The following SDC1 variants were observed in gnomAD, a reference collection of about 807,000 sequenced individuals.
SDC1 encodes syndecan-1.
Under a neutral mutation model 29.7 loss-of-function variants are expected in SDC1, and 14 were observed. The observed-to-expected ratio is 0.47, with a 90% CI of 0.31 to 0.74. SDC1 has a LOEUF of 0.74. SDC1 is among the 30% of genes least tolerant of loss of function. The pLI is 0.05. For missense variants in SDC1, 406 were observed against 400.3 expected, an observed-to-expected ratio of 1.01 and a Z score of -0.12; for synonymous variants, 204 against 175.5, an observed-to-expected ratio of 1.16 and a Z score of -1.29.
Position 20,203,161 on chromosome 2 carries a change from C to A in SDC1, c.689G>T (p.Arg230Leu). Residue 230 changes from arginine (R) to leucine (L), a missense_variant, in exon 4 of 5, where the codon CGG becomes CTG. Coordinates refer to ENST00000254351, the MANE Select transcript of SDC1 (RefSeq NM_002997.5). ...CCCCTGATCCACTGGGGACTGGTTC[C>A]GGCGGTCAGGCTCCACGGCCACTAC... ...TAVVAVEPDR[R>L]NQSPVDQGAT... The A allele has an allele frequency of 1.2e-5, 19 of 1,613,136 alleles. No homozygotes were observed. Among genetic ancestry groups the A allele is most frequent in the Non-Finnish European group, 1.5e-5 (18 of 1,179,630 alleles).
chr2:20,215,219 C>T (rs910903738), intron 1 of SDC1, among the ~76,000 whole-genome samples: 11 of 152,374 alleles, frequency 7.2e-5, no homozygotes, highest in Admixed American at 7.2e-4. Context: ...GGGGACAGGC[C>T]ACCGTGCCCC....
chr2:20,205,252 T>C (rs1677221145), intron 2 of SDC1, 91 bp downstream of exon 2: 2 of 990,004 alleles, frequency 2.0e-6, no homozygotes, highest in East Asian at 2.4e-5. Flanking sequence ...ACTCAGTACA[T>C]GCTCAGTAAA....
chr2:20,202,949 A>G lies in SDC1; in HGVS notation c.764-14T>C. On this transcript the variant is annotated splice_polypyrimidine_tract_variant and intron_variant, in intron 4 of 4. Coordinates refer to ENST00000254351, the MANE Select transcript of SDC1 (RefSeq NM_002997.5). ...CGGCAATGACCCCTAGGGCAGGTAGACGGGGCCAGCTCAGCTCAGCGGCTC... is the reference window on the plus strand; with the variant it reads ...CGGCAATGACCCCTAGGGCAGGTAGGCGGGGCCAGCTCAGCTCAGCGGCTC... 6.2e-7 allele frequency: 1 copy of G among 1,600,506 alleles called. No individual in the cohort carries two copies. The highest frequency in any genetic ancestry group is 8.5e-7 in the Non-Finnish European group (1 of 1,171,366).
chr2:20,218,223 G>A (rs541657172), intron 1 of SDC1, among the ~76,000 whole-genome samples: 1 of 152,310 alleles, frequency 6.6e-6, no homozygotes, highest in South Asian at 2.1e-4. Context: ...AAACAGTCGG[G>A]GCTCAGCTGA....
At chr2:20,206,128 T>C (rs905490918) in intron 1 of SDC1, among the ~76,000 whole-genome samples, 1 of 152,056 alleles carries the variant, frequency 6.6e-6, no homozygotes, top group Non-Finnish European at 1.5e-5. Flanking sequence ...CAGAGTATCA[T>C]CCTCCTTGGG....
chr2:20,224,807 G>T lies in SDC1; in HGVS notation c.61C>A (p.Leu21Met). Residue 21 changes from leucine to methionine, a missense_variant, in exon 1 of 5, where the codon CTG becomes ATG. Transcript: ENST00000254351. This position sits in a 1 kb window ranked among gnomAD's most constrained non-coding sequence, Gnocchi z 4.9. Reference protein sequence around the residue: ...CALALSLQPALPQIVATNLPP... With the variant: ...CALALSLQPAMPQIVATNLPP... ...TGGCCGCCGGCCGCACTCACCGGCAGGGCCGGCTGCAGGCTCAGCGCCAGC... is the reference window on the plus strand; with the variant it reads ...TGGCCGCCGGCCGCACTCACCGGCATGGCCGGCTGCAGGCTCAGCGCCAGC... The T allele has an allele frequency of 1.5e-6, 2 of 1,303,308 alleles. No individual in the cohort carries two copies. The highest frequency in any genetic ancestry group is 1.9e-6 in the Non-Finnish European group (2 of 1,026,080). The allele number at this position is 1,303,308 out of a possible 1,614,324, so 80.7% of individuals were successfully genotyped here.
rs540857163 is a variant in SDC1 at position 20,218,674 on chromosome 2, GAC to G, written c.66+6126_66+6127del. Among the ~76,000 whole-genome samples the G allele has an allele frequency of 8.9e-5, 13 of 146,382 alleles. No homozygotes were observed. The South Asian group carries it at 2.6e-3, about 29-fold the overall frequency. ...ACACACAGAGACACACGTACACACG[GAC>G]ACACACACGGACGCACACAAACACA... On this transcript the variant is annotated intron_variant, in intron 1 of 4. Transcript: ENST00000254351.
chr2:20,203,382 C>G (rs984262506), intron 3 of SDC1, among the ~76,000 whole-genome samples, 160 bp from the exon 4 acceptor site: 2 of 152,260 alleles, frequency 1.3e-5, no homozygotes, highest in Non-Finnish European at 2.9e-5. Flanking sequence ...AAAGCCAGGC[C>G]TTCTTGCCAC....
chr2:20,202,515 C>T lies in SDC1; in HGVS notation c.*251G>A. On this transcript the variant is annotated 3_prime_UTR_variant, in exon 5 of 5. Transcript: ENST00000254351. ...GAAACCGAGTCAGAATGGTGCGATG[C>T]CAGGTGCTGGCTGTGGTGGAAAGGT... 1.7e-6 allele frequency: 1 copy of T among 588,334 alleles called. No individual in the cohort carries two copies. The highest frequency in any genetic ancestry group is 3.0e-6 in the Non-Finnish European group (1 of 332,206). The allele number at this position is 588,334 out of a possible 1,614,324, so 36.4% of individuals were successfully genotyped here.
intron 1 of SDC1, chr2:20,223,097 T>G (rs945317407): frequency 4.8e-6 from 2 of 420,878 alleles, no homozygotes; most frequent in African/African-American, 4.2e-5. Context: ...TCGGAAATCA[T>G]GGCCCTCCCC....
At chr2:20,215,197 G>A (rs1051357326) in intron 1 of SDC1, among the ~76,000 whole-genome samples, 3 of 152,254 alleles carry the variant, frequency 2.0e-5, no homozygotes, top group Non-Finnish European at 4.4e-5. Context: ...ACAGCCATCA[G>A]TCTGAAGTTC....
Position 20,202,328 on chromosome 2 carries a change from A to AC in SDC1, c.*437dup, listed in dbSNP as rs747964347. On this transcript the variant is annotated 3_prime_UTR_variant, in exon 5 of 5. Transcript: ENST00000254351. ...TCCTGTCCCCTGCCACTCAGCGGCC[A>AC]CCCCCCCAAGATGCTTGGTCCTACC... is the stretch of plus-strand genomic sequence containing the variant. 6.2e-5 allele frequency: 48 copies of AC among 773,068 alleles called. No individual in the cohort carries two copies. The highest frequency in any genetic ancestry group is 4.5e-4 in the Middle Eastern group (2 of 4,404). The allele number at this position is 773,068 out of a possible 1,614,324, so 47.9% of individuals were successfully genotyped here. A position where few individuals can be genotyped will look rare whatever the true frequency, so the allele number is the denominator to read the frequency against.
chr2:20,203,289 C>T (rs1033132097), intron 3 of SDC1, 67 bp from the exon 4 acceptor site: 5 of 1,533,506 alleles, frequency 3.3e-6, no homozygotes, highest in Non-Finnish European at 4.4e-6. Flanking sequence ...AGCTCCACTA[C>T]AAGACCCAGA....
chr2:20,223,614 G>C (rs1167565669), intron 1 of SDC1, among the ~76,000 whole-genome samples: 1 of 152,198 alleles, frequency 6.6e-6, no homozygotes, highest in African/African-American at 2.4e-5. Flanking sequence ...GGCTGGGGAG[G>C]CGAACTCGGG....
At chr2:20,214,319 T>A (rs547880802) in intron 1 of SDC1, among the ~76,000 whole-genome samples, 77 of 152,306 alleles carry the variant, frequency 5.1e-4, no homozygotes, top group South Asian at 1.0e-3. Flanking sequence ...GAGTAAGCAC[T>A]GAGGCTGCTG....
At chr2:20,206,720 T>C (rs1399360353) in intron 1 of SDC1, among the ~76,000 whole-genome samples, 1 of 152,228 alleles carries the variant, frequency 6.6e-6, no homozygotes, top group Non-Finnish European at 1.5e-5. Context: ...TGCGTGGTCC[T>C]GGGATGTCAT....
intron 1 of SDC1, among the ~76,000 whole-genome samples, chr2:20,210,213 C>T (rs1326087219): frequency 6.6e-6 from 1 of 152,190 alleles, no homozygotes; most frequent in Admixed American, 6.5e-5. Context: ...TGGCGGTGTG[C>T]ACCTGTACTC....
rs539743050 is a variant in SDC1, at chr2:20,202,209, C to A, written c.*557G>T. ...CTTACTTAACTTACCTCAGAAGTAA[C>A]AAGGTCTACTGGGCTATGAACAAAG... On this transcript the variant is annotated 3_prime_UTR_variant, in exon 5 of 5. Transcript: ENST00000254351. 2.7e-6 allele frequency: 2 copies of A among 748,334 alleles called. No homozygotes were observed. Among genetic ancestry groups the A allele is most frequent in the East Asian group, 2.5e-5 (1 of 39,604 alleles). 46.4% of individuals were successfully genotyped at this position (748,334 alleles called of 1,614,324 possible). A position where few individuals can be genotyped will look rare whatever the true frequency, so the allele number is the denominator to read the frequency against.
chr2:20,222,355 C>A (rs1014259080), intron 1 of SDC1, among the ~76,000 whole-genome samples: 25 of 152,200 alleles, frequency 1.6e-4, no homozygotes, highest in African/African-American at 6.0e-4. Flanking sequence ...TGCCTGATTT[C>A]TTTTAGGAAA....
Sources: allele counts gnomAD v4.1 joint callset (sites outside exome capture counted in the v4.1 genomes callset), GRCh38; gene constraint gnomAD v4.1.1; non-coding constraint Gnocchi (gnomAD v3.1); transcripts MANE v1.5; gene names NCBI Gene and HGNC (gene_info 2026-07-23, HGNC 2026-07-21).